The following TSN variants were observed in gnomAD, a reference collection of about 807,000 sequenced individuals.
The protein encoded by TSN is translin.
A neutral mutation model predicts 29.4 loss-of-function variants in TSN; 5 were observed. That is an observed-to-expected ratio of 0.17 (90% confidence interval 0.09 to 0.36). The LOEUF is 0.36. Ranked by LOEUF, TSN falls within the 10% of genes least tolerant of loss-of-function variation. The pLI is 1.00. For missense variants in TSN, 159 were observed against 272.8 expected (o/e 0.58, Z 2.94); for synonymous variants, 106 against 102.2 (o/e 1.04, Z -0.23).
intron 1 of TSN, chr2:121,756,439 G>C (rs1164073097): frequency 3.9e-6 from 1 of 253,666 alleles, no homozygotes; most frequent in African/African-American, 2.4e-5. Flanking sequence ...TCTATTTCCT[G>C]TTATGTTTTC....
chr2:121,759,848 T>G (rs1015479782), intron 3 of TSN, among the ~76,000 whole-genome samples: 1 of 152,244 alleles, frequency 6.6e-6, no homozygotes, highest in Non-Finnish European at 1.5e-5. Flanking sequence ...CACTAGTGGC[T>G]GCTGCCTCTG....
Position 121,765,008 on chromosome 2 carries a change from G to C in TSN, c.454-126G>C, listed in dbSNP as rs1262848276. 4 of 816,136 alleles carry C rather than the reference G, an allele frequency of 4.9e-6. 1 individual carries two copies. Among genetic ancestry groups the C allele is most frequent in the Non-Finnish European group, 8.2e-6 (4 of 490,682 alleles). The allele number at this position is 816,136 out of a possible 1,614,324, so 50.6% of individuals were successfully genotyped here. ...GCTCCTGTCTTGTCTGTACTTGTGTGTACCCTGAGATAGAAGATCAGCGTG... is the reference window on the plus strand; with the variant it reads ...GCTCCTGTCTTGTCTGTACTTGTGTCTACCCTGAGATAGAAGATCAGCGTG... On this transcript the variant is annotated intron_variant, in intron 5 of 5. Coordinates refer to ENST00000389682, the MANE Select transcript of TSN (RefSeq NM_004622.3).
intron 3 of TSN, among the ~76,000 whole-genome samples, chr2:121,760,457 G>T (rs2074808920): frequency 1.3e-5 from 2 of 152,166 alleles, no homozygotes; most frequent in South Asian, 4.1e-4. Flanking sequence ...TTCTCTGGAG[G>T]TCACACACAG....
intron 2 of TSN, chr2:121,757,600 T>C (rs1436268011): frequency 3.9e-6 from 2 of 510,924 alleles, no homozygotes; most frequent in Non-Finnish European, 6.8e-6. Flanking sequence ...AAAGTGCAGC[T>C]CTCTGCCAGC....
chr2:121,758,864 A>G, intron 3 of TSN, 58 bp downstream of exon 3: 2 of 1,203,692 alleles, frequency 1.7e-6, no homozygotes, highest in South Asian at 1.8e-5. Context: ...GAGAAAAATT[A>G]TGTGTACCAA....
intron 2 of TSN, chr2:121,757,595 GCAGCT>G: frequency 1.9e-6 from 1 of 522,280 alleles, no homozygotes; most frequent in South Asian, 2.2e-5. Flanking sequence ...AAAAAAAAGT[GCAGCT>G]CTCTGCCAGC....
intron 4 of TSN, among the ~76,000 whole-genome samples, chr2:121,761,986 T>G (rs889113743): frequency 3.3e-5 from 5 of 150,046 alleles, no homozygotes; most frequent in African/African-American, 1.3e-4. Context: ...CCCAGCTAAT[T>G]TTTTGTATTT....
At chr2:121,756,839 G>A (rs1017976028) in intron 1 of TSN, 2 of 289,126 alleles carry the variant, frequency 6.9e-6, no homozygotes, top group Non-Finnish European at 1.4e-5. Flanking sequence ...AACCCGGGAG[G>A]CGGAGGTTGC....
chr2:121,761,283 G>T, intron 3 of TSN, 126 bp from the exon 4 acceptor site: 2 of 665,560 alleles, frequency 3.0e-6, no homozygotes, highest in East Asian at 2.6e-5. Flanking sequence ...TTTATATATT[G>T]GGGGTTTGTG....
At chr2:121,756,455 G>A (rs1033968977) in intron 1 of TSN, 3 of 252,774 alleles carry the variant, frequency 1.2e-5, no homozygotes, top group South Asian at 1.1e-4. Flanking sequence ...TTTTCTAGTA[G>A]CACATTAACT....
chr2:121,755,841 G>A lies in TSN; in HGVS notation c.62G>A (p.Arg21Gln). 1 of 1,614,086 alleles carries A rather than the reference G, an allele frequency of 6.2e-7. No homozygotes were observed. The highest frequency in any genetic ancestry group is 8.5e-7 in the Non-Finnish European group (1 of 1,180,028). Reference protein sequence around the residue: ...QGFLAAEQDIREEIRKVVQSL... With the variant: ...QGFLAAEQDIQEEIRKVVQSL... ...TTTTTGGCTGCCGAGCAGGACATCC[G>A]AGAGGCGAGCCCCCTCCCTTCCCCA... The change falls in exon 1 of 6, where the codon CGA (arginine) becomes CAA (glutamine). Residue 21 changes from arginine (R) to glutamine (Q), a missense_variant. Physicochemically the swap from Arg to Gln is conservative, Grantham distance 43. Coordinates refer to ENST00000389682, the MANE Select transcript of TSN (RefSeq NM_004622.3).
intron 2 of TSN, 147 bp downstream of exon 2, chr2:121,757,480 T>A: frequency 6.8e-7 from 1 of 1,474,496 alleles, no homozygotes; most frequent in Non-Finnish European, 9.2e-7. Flanking sequence ...TTTTGGTTGA[T>A]TTTTCTTCCA....
rs2074923450 is a variant in TSN, at chr2:121,767,779, C to G, written c.*2412C>G. On this transcript the variant is annotated 3_prime_UTR_variant, in exon 6 of 6. Transcript: ENST00000389682. ...TGGCTAAAGAGATGAGACAAACATGCAGGTCGCTACTGGCATAGTTTCATA... is the reference window on the plus strand; with the variant it reads ...TGGCTAAAGAGATGAGACAAACATGGAGGTCGCTACTGGCATAGTTTCATA... 6.6e-6 allele frequency: 1 copy of G among 152,034 alleles called. No individual in the cohort carries two copies. The highest frequency in any genetic ancestry group is 2.4e-5 in the African/African-American group (1 of 41,378). 9.4% of individuals were successfully genotyped at this position (152,034 alleles called of 1,614,324 possible).
intron 1 of TSN, chr2:121,756,602 A>C (rs1319513939): frequency 1.5e-6 from 2 of 1,296,906 alleles, no homozygotes; most frequent in African/African-American, 3.1e-5. Context: ...TGCTCAGTGA[A>C]TATTTTAAAA....
rs1213169345 is a variant in TSN, at chr2:121,759,437, G to A, written c.257+631G>A. Reference sequence around the variant, plus strand: ...AGCCTGGCTAGCATGGCGAAACCCCGTCTCTACTAAAAATACGAAAATTAG... The same window carrying A: ...AGCCTGGCTAGCATGGCGAAACCCCATCTCTACTAAAAATACGAAAATTAG... On this transcript the variant is annotated intron_variant, in intron 3 of 5. Coordinates refer to ENST00000389682, the MANE Select transcript of TSN (RefSeq NM_004622.3). Among the ~76,000 whole-genome samples the A allele has an allele frequency of 3.3e-5, 5 of 151,956 alleles. 1 individual carries two copies. The highest frequency in any genetic ancestry group is 4.1e-4 in the South Asian group (2 of 4,820).
chr2:121,765,157 G>A lies in TSN; in HGVS notation c.477G>A (p.Val159=), dbSNP rs1265435979. ...SELSRLSVNS[V]TAGDYSRPLH... is the part of the protein sequence containing the mutation. ...AGTCGAGGCTGTCTGTCAACAGCGT[G>A]ACTGCTGGAGACTACTCCCGACCCC... is the stretch of plus-strand genomic sequence containing the variant. Residue 159 remains valine, a synonymous_variant, in exon 6 of 6, where the codon GTG becomes GTA. Coordinates refer to ENST00000389682, the MANE Select transcript of TSN (RefSeq NM_004622.3). 4 of 1,614,170 alleles carry A rather than the reference G, an allele frequency of 2.5e-6. No homozygotes were observed. The highest frequency in any genetic ancestry group is 3.4e-6 in the Non-Finnish European group (4 of 1,180,054).
chr2:121,756,024 T>G (rs1218089594), intron 1 of TSN, 179 bp downstream of exon 1: 1 of 1,295,786 alleles, frequency 7.7e-7, no homozygotes, highest in Non-Finnish European at 1.0e-6. Flanking sequence ...TGCTCTGTCC[T>G]GATTCCCCGT....
At chr2:121,761,653 G>A (rs1178952786) in intron 4 of TSN, 129 bp downstream of exon 4, 2 of 698,958 alleles carry the variant, frequency 2.9e-6, no homozygotes, top group Non-Finnish European at 5.0e-6. Context: ...GTTGTAGCTT[G>A]GTATCTGAGG....
Position 121,765,545 on chromosome 2 carries a change from C to A in TSN, c.*178C>A. The A allele has an allele frequency of 1.6e-6, 1 of 620,080 alleles. No homozygotes were observed. Among genetic ancestry groups the A allele is most frequent in the Non-Finnish European group, 2.8e-6 (1 of 358,290 alleles). 38.4% of individuals were successfully genotyped at this position (620,080 alleles called of 1,614,324 possible). ...CTTTTTTGGGGGTAAAAAATATAGC[C>A]TTTACATGGACAGAATTTTTTTTGT... On this transcript the variant is annotated 3_prime_UTR_variant, in exon 6 of 6. Coordinates refer to ENST00000389682, the MANE Select transcript of TSN (RefSeq NM_004622.3).
Sources: allele counts gnomAD v4.1 joint callset (sites outside exome capture counted in the v4.1 genomes callset), GRCh38; gene constraint gnomAD v4.1.1; transcripts MANE v1.5; gene names NCBI Gene and HGNC (gene_info 2026-07-23, HGNC 2026-07-21).